DTNA: variants seen among roughly 807,000 people sequenced by gnomAD.
The protein encoded by DTNA is dystrobrevin alpha, also known as dystrophin-related protein 3.
In DTNA, 43 loss-of-function variants were observed where a neutral mutation model predicts 100.7. That is an observed-to-expected ratio of 0.43 (90% CI 0.33 to 0.55). The LOEUF (loss-of-function observed/expected upper bound fraction) is 0.55. Ranked by LOEUF, DTNA falls within the 20% of genes least tolerant of loss-of-function variation. DTNA has a pLI of 0.04. For synonymous variants in DTNA, 349 were observed against 347.9 expected (o/e 1.00, Z -0.04); for missense variants, 798 against 953.9 (o/e 0.84, Z 2.15).
intron 1 of DTNA, among the ~76,000 whole-genome samples, chr18:34,588,284 TC>T (rs2049341343): frequency 6.6e-6 from 1 of 152,090 alleles, no homozygotes; most frequent in Non-Finnish European, 1.5e-5. Flanking sequence ...CAGACAGATA[TC>T]CTAGGGCCAA....
At chr18:34,536,360 A>G (rs2043712303) in intron 1 of DTNA, among the ~76,000 whole-genome samples, 1 of 151,910 alleles carries the variant, frequency 6.6e-6, no homozygotes, top group Non-Finnish European at 1.5e-5. Flanking sequence ...TTTCTGCGAA[A>G]TGGTTTTTCA....
At chr18:34,636,937 T>C (rs1379400243) in intron 1 of DTNA, among the ~76,000 whole-genome samples, 2 of 152,196 alleles carry the variant, frequency 1.3e-5, no homozygotes, top group South Asian at 4.1e-4. Flanking sequence ...TGATGCTCAA[T>C]GGATGCTTAA....
chr18:34,694,308 C>CA (rs1203811628), intron 1 of DTNA, among the ~76,000 whole-genome samples: 1 of 152,126 alleles, frequency 6.6e-6, no homozygotes, highest in Non-Finnish European at 1.5e-5. Context: ...GTTTTTCCAT[C>CA]AAAAACTAGA....
At chr18:34,669,504 G>A (rs146627792) in intron 1 of DTNA, among the ~76,000 whole-genome samples, 2 of 152,196 alleles carry the variant, frequency 1.3e-5, no homozygotes, top group African/African-American at 4.8e-5. Flanking sequence ...GTTAGTTGAT[G>A]CTGTTTCTTC....
At chr18:34,551,907 A>G (rs1349159756) in intron 1 of DTNA, among the ~76,000 whole-genome samples, 3 of 152,172 alleles carry the variant, frequency 2.0e-5, no homozygotes, top group Non-Finnish European at 2.9e-5. Flanking sequence ...TTTATGTGTC[A>G]GTGGCTCTCA....
chr18:34,838,287 T>G, intron 12 of DTNA, 116 bp downstream of exon 12: 10 of 1,156,238 alleles, frequency 8.6e-6, no homozygotes, highest in South Asian at 1.3e-5. Context: ...TAAAAGCAGC[T>G]CTGCTTTAAC....
chr18:34,581,256 A>ACAAAT (rs910649261), intron 1 of DTNA, among the ~76,000 whole-genome samples: 2 of 146,260 alleles, frequency 1.4e-5, no homozygotes, highest in Non-Finnish European at 3.0e-5. Context: ...TCAAAACAAA[A>ACAAAT]CAAAACAAAA....
intron 17 of DTNA, 85 bp downstream of exon 17, chr18:34,864,147 C>A: frequency 8.2e-7 from 1 of 1,218,498 alleles, no homozygotes; most frequent in Non-Finnish European, 1.2e-6. Flanking sequence ...ATGGTTTTTC[C>A]AATTGCTGTA....
chr18:34,753,995 C>G (rs80006916), intron 1 of DTNA, among the ~76,000 whole-genome samples: 5,001 of 152,170 alleles, frequency 0.033, 288 homozygotes, highest in African/African-American at 0.11. Context: ...AAATTGTTAC[C>G]AAATTGATGA....
At chr18:34,653,533 C>T (rs1303431976) in intron 1 of DTNA, among the ~76,000 whole-genome samples, 1 of 151,736 alleles carries the variant, frequency 6.6e-6, no homozygotes, top group Non-Finnish European at 1.5e-5. Flanking sequence ...TTTAAAAATA[C>T]CACTGAGGGT....
Position 34,620,005 on chromosome 18 carries a change from T to C in DTNA, c.-2+126491T>C, listed in dbSNP as rs1041313011. Among the ~76,000 whole-genome samples the C allele has an allele frequency of 7.9e-5, 12 of 152,132 alleles. No homozygotes were observed. In the East Asian group the frequency reaches 2.3e-3, roughly 29 times the overall value. On this transcript the variant is annotated intron_variant, in intron 1 of 19. Transcript: ENST00000283365. ...AGGGGTGAAAATAAGGACAGAATGG[T>C]TTTACCAAAACCAAGGGAAGAACTT... is the stretch of plus-strand genomic sequence containing the variant.
chr18:34,556,565 G>A (rs2046078830), intron 1 of DTNA, among the ~76,000 whole-genome samples: 1 of 151,890 alleles, frequency 6.6e-6, no homozygotes, highest in South Asian at 2.1e-4. Flanking sequence ...GGGCAGGCCT[G>A]GTGGTGACAA....
intron 1 of DTNA, among the ~76,000 whole-genome samples, chr18:34,513,017 C>A (rs1352136073): frequency 6.6e-6 from 1 of 151,998 alleles, no homozygotes; most frequent in East Asian, 1.9e-4. Context: ...TCTAATAATC[C>A]ATGGAAAACT....
chr18:34,740,152 G>A (rs1247212794), intron 1 of DTNA, among the ~76,000 whole-genome samples: 1 of 152,100 alleles, frequency 6.6e-6, no homozygotes, highest in African/African-American at 2.4e-5. Flanking sequence ...TTATAGGACA[G>A]TTTTTTAGTA....
chr18:34,865,035 A>G (rs544200674), intron 17 of DTNA, among the ~76,000 whole-genome samples: 12 of 152,348 alleles, frequency 7.9e-5, no homozygotes, highest in Non-Finnish European at 1.5e-4. Flanking sequence ...TCAGTGCCAC[A>G]TGATCATCCT....
intron 1 of DTNA, chr18:34,679,726 A>G (rs1483427419): frequency 6.6e-6 from 1 of 152,154 alleles, no homozygotes; most frequent in East Asian, 1.9e-4. Context: ...GGCTAAATAA[A>G]TATTATCAAT....
At chr18:34,598,585 C>T (rs547553783) in intron 1 of DTNA, among the ~76,000 whole-genome samples, 71 of 152,242 alleles carry the variant, frequency 4.7e-4, no homozygotes, top group Non-Finnish European at 8.5e-4. Flanking sequence ...AAGGCCTTGG[C>T]CAGGCGCATT....
rs149726324 is a variant in DTNA, at chr18:34,888,632, T to C, written c.*898T>C. 2 of 985,894 alleles carry C rather than the reference T, an allele frequency of 2.0e-6. No individual in the cohort carries two copies. The highest frequency in any genetic ancestry group is 1.7e-5 in the African/African-American group (1 of 57,370). 61.1% of individuals were successfully genotyped at this position (985,894 alleles called of 1,614,324 possible). On this transcript the variant is annotated 3_prime_UTR_variant, in exon 23 of 23. Coordinates refer to ENST00000444659, the MANE Select transcript of DTNA (RefSeq NM_001386795.1). The stretch of plus-strand genomic sequence containing the variant: ...AGATCTTCTTAAAAACTGTGAACTA[T>C]GTTTTGAAATACTCGTTACTAAAGC...
intron 1 of DTNA, among the ~76,000 whole-genome samples, chr18:34,581,675 C>T (rs2048661351): frequency 7.0e-6 from 1 of 143,562 alleles, no homozygotes; most frequent in Non-Finnish European, 1.5e-5. Context: ...GGCTGGCGTG[C>T]AGTGGCATGA....
Sources: gnomAD v4.1 joint callset for allele counts (sites outside exome capture counted in the v4.1 genomes callset) on GRCh38, gnomAD v4.1.1 for gene constraint, MANE v1.5 for transcripts, NCBI Gene and HGNC (gene_info 2026-07-23, HGNC 2026-07-21) for gene names.